IL17F: variants seen among roughly 807,000 people sequenced by gnomAD.
The protein encoded by IL17F is interleukin-17F.
IL17F carries 6 observed loss-of-function variants against 8.3 expected under a neutral mutation model. The observed-to-expected ratio is 0.73, with a 90% CI of 0.40 to 1.43. The LOEUF is 1.43. IL17F is among the 40% of genes most tolerant of loss of function. The pLI, the probability that IL17F is intolerant of heterozygous loss-of-function variation, is 0.02. For missense variants in IL17F, 204 were observed against 209.6 expected, an observed-to-expected ratio of 0.97 and a Z score of 0.17; for synonymous variants, 98 against 81.6, an observed-to-expected ratio of 1.20 and a Z score of -1.08.
Position 52,236,843 on chromosome 6 carries a change from G to T in IL17F, c.*88C>A. ...TATTAAGAGTCCTGTGAAGTGGAGG[G>T]AATTGGGGGTCAGACAGGACTTGTT... On this transcript the variant is annotated 3_prime_UTR_variant, in exon 3 of 3. Coordinates refer to ENST00000336123, the MANE Select transcript of IL17F (RefSeq NM_052872.4). The T allele has an allele frequency of 2.0e-6, 2 of 991,192 alleles. No homozygotes were observed. Among genetic ancestry groups the T allele is most frequent in the Non-Finnish European group, 3.3e-6 (2 of 613,310 alleles). 61.4% of individuals were successfully genotyped at this position (991,192 alleles called of 1,614,324 possible).
intron 1 of IL17F, among the ~76,000 whole-genome samples, chr6:52,241,994 C>A (rs886645398): frequency 1.3e-5 from 2 of 152,170 alleles, no homozygotes; most frequent in African/African-American, 4.8e-5. Flanking sequence ...ATGATGTCTG[C>A]AAATACTCCA....
chr6:52,237,740 C>G (rs1288601826), intron 2 of IL17F, among the ~76,000 whole-genome samples: 1 of 152,104 alleles, frequency 6.6e-6, no homozygotes, highest in East Asian at 1.9e-4. Context: ...TGTAGTGTGA[C>G]AGGACCCCCA....
At chr6:52,240,099 T>C (rs925364008) in intron 1 of IL17F, among the ~76,000 whole-genome samples, 3 of 152,200 alleles carry the variant, frequency 2.0e-5, no homozygotes, top group Non-Finnish European at 2.9e-5. Context: ...TGACCCTTAC[T>C]GGGGATGAGC....
In IL17F at chr6:52,237,952, G is replaced by A. The variant is rs1369702819; in HGVS notation, c.254+778C>T. The stretch of plus-strand genomic sequence containing the variant: ...AAAATTCGCTTAAGAGCAGCTTAGA[G>A]ATGGGAGGCAGAGCGGATCTCTAGA... On this transcript the variant is annotated intron_variant, in intron 2 of 2. Coordinates refer to ENST00000336123, the MANE Select transcript of IL17F (RefSeq NM_052872.4). 2.0e-5 allele frequency among the ~76,000 whole-genome samples: 3 copies of A among 152,210 alleles called. No individual in the cohort carries two copies. In the East Asian group the frequency reaches 5.8e-4, roughly 29 times the overall value.
intron 2 of IL17F, 34 bp from the exon 3 acceptor site, chr6:52,237,202 G>A: frequency 1.3e-6 from 2 of 1,530,278 alleles, no homozygotes; most frequent in Non-Finnish European, 1.8e-6. Context: ...ACAATGGTGA[G>A]GCATGGGGGA....
chr6:52,244,183 C>T (rs752637778), intron 1 of IL17F, among the ~76,000 whole-genome samples: 9 of 152,134 alleles, frequency 5.9e-5, no homozygotes, highest in Non-Finnish European at 1.3e-4. Context: ...GCATGAGCCA[C>T]CACGCCTGGC....
At chr6:52,244,260 G>C (rs114228357) in intron 1 of IL17F, 137 bp downstream of exon 1, 9 of 856,058 alleles carry the variant, frequency 1.1e-5, no homozygotes, top group South Asian at 2.7e-5. Flanking sequence ...CACCAGACAG[G>C]AGTCAAAATT....
chr6:52,244,631 C>T (rs1235054828), upstream of IL17F: 9 of 600,674 alleles, frequency 1.5e-5, no homozygotes, highest in African/African-American at 1.7e-4. Context: ...TATTCCATTT[C>T]CCGAAGGGGA....
At chr6:52,240,438 G>GGAA in intron 1 of IL17F, among the ~76,000 whole-genome samples, 1 of 96,368 alleles carries the variant, frequency 1.0e-5, no homozygotes, top group Non-Finnish European at 2.0e-5. Flanking sequence ...CTCCTGCTTG[G>GGAA]AAAAAAAAAA....
In IL17F at chr6:52,244,410, T is replaced by C; in HGVS notation, c.20A>G (p.His7Arg). Residue 7 changes from histidine (H) to arginine (R), a missense_variant, in exon 1 of 3, where the codon CAT becomes CGT. His to Arg is a conservative substitution (Grantham distance 29, BLOSUM62 0). Coordinates refer to ENST00000336123, the MANE Select transcript of IL17F (RefSeq NM_052872.4). MTVKTL[H>R]GPAMVKYLLL... The stretch of plus-strand genomic sequence containing the variant: ...GCTGCTACTCACCATGGCTGGGCCA[T>C]GCAGGGTCTTCACTGTCATGTTGCG... 6.2e-7 allele frequency: 1 copy of C among 1,614,082 alleles called. No individual in the cohort carries two copies. The highest frequency in any genetic ancestry group is 8.5e-7 in the Non-Finnish European group (1 of 1,179,930).
intron 1 of IL17F, among the ~76,000 whole-genome samples, chr6:52,239,852 C>A (rs1180526193): frequency 6.6e-6 from 1 of 152,186 alleles, no homozygotes; most frequent in Admixed American, 6.5e-5. Context: ...TTCCAATTAT[C>A]CATGCTAATT....
chr6:52,239,238 A>G, intron 1 of IL17F: 1 of 411,654 alleles, frequency 2.4e-6, no homozygotes, highest in Non-Finnish European at 4.5e-6. Flanking sequence ...TTAAAATCCT[A>G]TCCTGGCTTC....
chr6:52,237,027 C>T lies in IL17F; in HGVS notation c.396G>A (p.Arg132=). The T allele has an allele frequency of 6.2e-7, 1 of 1,614,230 alleles. No individual in the cohort carries two copies. The highest frequency in any genetic ancestry group is 8.5e-7 in the Non-Finnish European group (1 of 1,180,028). ...AAGAAACAGAGCAGCCTTGGTGCTT[C>T]CTCCGGACGACCAGGGTCTCTTGCT... The part of the protein sequence containing the change: ...PIQQETLVVR[R]KHQGCSVSFQ... The change falls in exon 3 of 3, where the codon AGG becomes AGA. Residue 132 remains arginine (R), a synonymous_variant. Transcript: ENST00000336123.
chr6:52,237,080 C>G lies in IL17F; in HGVS notation c.343G>C (p.Asp115His), dbSNP rs775060397. ...ATGGGAACGGAATTCATGGAGATGTCTTCCTTTCCTTGAGCATTGATGCAG... is the reference window on the plus strand; with the variant it reads ...ATGGGAACGGAATTCATGGAGATGTGTTCCTTTCCTTGAGCATTGATGCAG... ...LGCINAQGKE[D>H]ISMNSVPIQQ... Residue 115 changes from aspartate to histidine, a missense_variant, in exon 3 of 3, where the codon GAC becomes CAC. By Grantham distance (81) the Asp-to-His change is moderately conservative. Coordinates refer to ENST00000336123, the MANE Select transcript of IL17F (RefSeq NM_052872.4). 6.2e-7 allele frequency: 1 copy of G among 1,614,192 alleles called. No individual in the cohort carries two copies. Among genetic ancestry groups the G allele is most frequent in the Admixed American group, 1.7e-5 (1 of 60,032 alleles).
chr6:52,243,794 G>A lies in IL17F; in HGVS notation c.33+603C>T, dbSNP rs750009655. Among the ~76,000 whole-genome samples, 6 of 151,882 alleles carry A rather than the reference G, an allele frequency of 4.0e-5. No homozygotes were observed. The East Asian group carries it at 7.8e-4, about 20-fold the overall frequency. The stretch of plus-strand genomic sequence containing the variant: ...TTTTTTTTCTTTGAGACAGAGTCTC[G>A]CTATGTCACCCAGGATGGAGTGCAG... On this transcript the variant is annotated intron_variant, in intron 1 of 2. Transcript: ENST00000336123.
At chr6:52,240,189 C>T (rs1764048009) in intron 1 of IL17F, among the ~76,000 whole-genome samples, 1 of 152,170 alleles carries the variant, frequency 6.6e-6, no homozygotes, top group African/African-American at 2.4e-5. Flanking sequence ...GTAATCCCAG[C>T]ATTTTGGGAA....
Position 52,243,600 on chromosome 6 carries a change from G to A in IL17F, c.33+797C>T, listed in dbSNP as rs570154965. ...TATGTACATAATCCCTAAAGTGCTG[G>A]CCAAGCTCCCACCATGAGATAAGAA... On this transcript the variant is annotated intron_variant, in intron 1 of 2. Coordinates refer to ENST00000336123, the MANE Select transcript of IL17F (RefSeq NM_052872.4). 2.6e-5 allele frequency among the ~76,000 whole-genome samples: 4 copies of A among 152,208 alleles called. No individual in the cohort carries two copies. In the South Asian group the frequency reaches 8.3e-4, roughly 32 times the overall value.
rs754360019 is a variant in IL17F at position 52,238,720 on chromosome 6, T to C, written c.254+10A>G. On this transcript the variant is annotated intron_variant, in intron 2 of 2. Coordinates refer to ENST00000336123, the MANE Select transcript of IL17F (RefSeq NM_052872.4). ...CAAAGAATGTGAAAATCAGTCTCAT[T>C]TGCACTTACGTGTAATTCCAGGGGG... 1.2e-6 allele frequency: 2 copies of C among 1,607,610 alleles called. No homozygotes were observed. Among genetic ancestry groups the C allele is most frequent in the Non-Finnish European group, 1.7e-6 (2 of 1,174,090 alleles).
At chr6:52,243,006 CA>C (rs1199865732) in intron 1 of IL17F, among the ~76,000 whole-genome samples, 3 of 152,112 alleles carry the variant, frequency 2.0e-5, no homozygotes, top group Non-Finnish European at 4.4e-5. Context: ...GAAACGGAGG[CA>C]CAGAGAAGAT....
Sources: allele counts gnomAD v4.1 joint callset (sites outside exome capture counted in the v4.1 genomes callset), GRCh38; gene constraint gnomAD v4.1.1; transcripts MANE v1.5; gene names NCBI Gene and HGNC (gene_info 2026-07-23, HGNC 2026-07-21).